Variants in SASH1 observed in about 807,000 individuals in gnomAD.
SASH1 encodes the protein SAM and SH3 domain-containing protein 1.
In SASH1, 44 loss-of-function variants were observed where a neutral mutation model predicts 125.2. The ratio of observed to expected loss-of-function variants is 0.35; its 90% CI spans 0.28 to 0.45. SASH1 has a LOEUF of 0.45. Ranked by LOEUF, SASH1 falls within the 20% of genes least tolerant of loss-of-function variation. The probability of loss-of-function intolerance (pLI) is 1.00; values close to 1 mark genes in which losing one functional copy is unlikely to be tolerated. For missense variants in SASH1, 1,426 were observed against 1,614.5 expected (o/e 0.88, Z 2.00); for synonymous variants, 639 against 649.1 (o/e 0.98, Z 0.24).
chr6:148,487,110 C>CATATATAT (rs1354607316), intron 7 of SASH1, among the ~76,000 whole-genome samples: 2 of 132,690 alleles, frequency 1.5e-5, no homozygotes, highest in African/African-American at 5.4e-5. Context: ...CACACACACA[C>CATATATAT]ACATATATAT....
intron 4 of SASH1, among the ~76,000 whole-genome samples, chr6:148,450,168 A>G (rs550243525): frequency 6.6e-5 from 10 of 152,130 alleles, no homozygotes; most frequent in Admixed American, 2.6e-4. Flanking sequence ...TCCGTGAACT[A>G]AAGAGCATTC....
the SASH1 span, among the ~76,000 whole-genome samples, chr6:148,256,470 C>A: frequency 1.3e-5 from 2 of 152,168 alleles, no homozygotes; most frequent in South Asian, 4.2e-4. Flanking sequence ...TCTTAAATAT[C>A]CTTAAATGGT....
At chr6:148,454,563 G>A (rs1445546746) in intron 4 of SASH1, among the ~76,000 whole-genome samples, 1 of 152,158 alleles carries the variant, frequency 6.6e-6, no homozygotes, top group African/African-American at 2.4e-5. Context: ...GTGGAAGAAA[G>A]GGTGTGCGAA....
At chr6:148,432,631 G>T (rs924585613) in intron 2 of SASH1, among the ~76,000 whole-genome samples, 9 of 152,210 alleles carry the variant, frequency 5.9e-5, no homozygotes, top group African/African-American at 1.9e-4. Context: ...GAGCTGAGCT[G>T]GTGGGCGCCT....
chr6:148,323,201 A>G (rs866226761), intron 1 of SASH1, among the ~76,000 whole-genome samples: 2 of 152,056 alleles, frequency 1.3e-5, no homozygotes, highest in South Asian at 4.2e-4. Context: ...GTAGAGGTGG[A>G]GTTTCGCCGC....
At chr6:148,295,328 G>A (rs1000194055) in intron 1 of SASH1, among the ~76,000 whole-genome samples, 9 of 152,108 alleles carry the variant, frequency 5.9e-5, no homozygotes, top group African/African-American at 1.9e-4. Context: ...GCACACACAC[G>A]TGCATACTTT....
intron 2 of SASH1, among the ~76,000 whole-genome samples, chr6:148,411,188 A>G (rs1002451015): frequency 1.5e-4 from 23 of 149,608 alleles, no homozygotes; most frequent in African/African-American, 5.4e-4. Context: ...AAAAAAAAAA[A>G]AAAAAAAAGG....
At chr6:148,496,948 T>C (rs1008704917) in intron 8 of SASH1, among the ~76,000 whole-genome samples, 12 of 152,292 alleles carry the variant, frequency 7.9e-5, no homozygotes, top group African/African-American at 2.9e-4. Context: ...TTTAATGTGT[T>C]TGAGACCTTC....
rs555607177 is a variant in SASH1, at chr6:148,535,718, T to C, written c.2095+817T>C. The stretch of plus-strand genomic sequence containing the variant: ...CTCAGTCTTATCTTGCTCTGTATTA[T>C]TCAATCTGCCATCAGAAATATTCCT... On this transcript the variant is annotated intron_variant, in intron 16 of 19. Transcript: ENST00000367467. 5.3e-4 allele frequency among the ~76,000 whole-genome samples: 81 copies of C among 152,336 alleles called. 1 individual carries two copies. In the South Asian group the frequency reaches 0.017, roughly 31 times the overall value.
chr6:148,325,394 A>G (rs540612000), intron 1 of SASH1, among the ~76,000 whole-genome samples: 1 of 152,088 alleles, frequency 6.6e-6, no homozygotes, highest in South Asian at 2.1e-4. Context: ...CTCCTGCCTC[A>G]GCCTCCCAAG....
intron 2 of SASH1, among the ~76,000 whole-genome samples, chr6:148,421,185 G>C (rs979728727): frequency 7.0e-6 from 1 of 143,248 alleles, no homozygotes; most frequent in African/African-American, 2.5e-5. Flanking sequence ...AAGAAAGAAA[G>C]AAAGAAAGAA....
chr6:148,400,293 A>G (rs975052330), intron 2 of SASH1, among the ~76,000 whole-genome samples: 1 of 152,250 alleles, frequency 6.6e-6, no homozygotes. Flanking sequence ...TTAGGCAGAC[A>G]CCTGCAGGGC....
chr6:148,274,315 G>A (rs1779133896), intron 1 of SASH1, among the ~76,000 whole-genome samples: 1 of 152,118 alleles, frequency 6.6e-6, no homozygotes, highest in African/African-American at 2.4e-5. Flanking sequence ...CGCTTTCCCT[G>A]GTTTCAGAAA....
At position 148,533,653 on chromosome 6, in the gene SASH1, C is replaced by T. The variant is rs1385405466; in HGVS notation, c.1735-118C>T. On this transcript the variant is annotated intron_variant, in intron 14 of 19. Transcript: ENST00000367467. The surrounding 1 kb of genome is among the most constrained non-coding windows in gnomAD (Gnocchi z 6.2). Reference sequence around the variant, plus strand: ...CACTCAGAGGGGTGACTTGTGGGACCCCGATTCTGGCCTTTGTGGCATCTT... The same window carrying T: ...CACTCAGAGGGGTGACTTGTGGGACTCCGATTCTGGCCTTTGTGGCATCTT... 7.4e-6 allele frequency: 7 copies of T among 950,550 alleles called. No individual in the cohort carries two copies. Among genetic ancestry groups the T allele is most frequent in the Admixed American group, 6.0e-5 (3 of 49,940 alleles). The allele number at this position is 950,550 out of a possible 1,614,324, so 58.9% of individuals were successfully genotyped here.
intron 4 of SASH1, among the ~76,000 whole-genome samples, chr6:148,450,594 C>T (rs752737092): frequency 2.6e-5 from 4 of 151,960 alleles, no homozygotes; most frequent in East Asian, 1.9e-4. Flanking sequence ...TACTTTAACA[C>T]GTATCATATC....
At chr6:148,422,552 A>G (rs1775612179) in intron 2 of SASH1, among the ~76,000 whole-genome samples, 1 of 152,230 alleles carries the variant, frequency 6.6e-6, no homozygotes, top group Non-Finnish European at 1.5e-5. Context: ...GCAATGAAGT[A>G]TGTTTGCTGT....
chr6:148,452,625 C>T lies in SASH1; in HGVS notation c.386+12218C>T, dbSNP rs548696623. 9.8e-5 allele frequency among the ~76,000 whole-genome samples: 15 copies of T among 152,318 alleles called. No homozygotes were observed. The East Asian group carries it at 2.7e-3, about 27-fold the overall frequency. On this transcript the variant is annotated intron_variant, in intron 4 of 19. Coordinates refer to ENST00000367467, the MANE Select transcript of SASH1 (RefSeq NM_015278.5). ...TTCAATAAAGCATGCACAAAAACAG[C>T]TCTTTTCAAGGGTGGTGCTGTGAAA...
chr6:148,350,510 T>C (rs116783403), intron 1 of SASH1, among the ~76,000 whole-genome samples: 10 of 152,326 alleles, frequency 6.6e-5, no homozygotes, highest in African/African-American at 2.4e-4. Flanking sequence ...GCAAATTTAT[T>C]CATTTGCAAA....
chr6:148,305,245 A>T (rs566439134), intron 1 of SASH1, among the ~76,000 whole-genome samples: 1 of 152,292 alleles, frequency 6.6e-6, no homozygotes, highest in South Asian at 2.1e-4. Flanking sequence ...GAGGAGAGTT[A>T]AAGGTTCTAT....
Sources: allele counts gnomAD v4.1 joint callset (sites outside exome capture counted in the v4.1 genomes callset), GRCh38; gene constraint gnomAD v4.1.1; non-coding constraint Gnocchi (gnomAD v3.1); transcripts MANE v1.5; gene names NCBI Gene and HGNC (gene_info 2026-07-23, HGNC 2026-07-21).